Variants in RICTOR observed in about 807,000 individuals in gnomAD.
RICTOR encodes RPTOR independent companion of MTOR complex 2.
RICTOR carries 49 observed loss-of-function variants against 214.9 expected under a neutral mutation model. That is an observed-to-expected ratio of 0.23 (90% confidence interval 0.18 to 0.29). The LOEUF (loss-of-function observed/expected upper bound fraction) is 0.29, where lower values mean the gene tolerates loss of function less well. Ranked by LOEUF, RICTOR falls within the 10% of genes least tolerant of loss-of-function variation. The pLI is 1.00. For missense variants in RICTOR, 1,625 were observed against 2,047.0 expected (o/e 0.79, Z 3.98); for synonymous variants, 717 against 711.3 (o/e 1.01, Z -0.13).
intron 21 of RICTOR, 79 bp from the exon 22 acceptor site, chr5:38,959,400 C>A: frequency 1.2e-6 from 1 of 819,298 alleles, no homozygotes. Context: ...TTTTTTCCAG[C>A]TTTACTGAAG....
At chr5:38,984,943 C>G (rs2150067451) in intron 7 of RICTOR, among the ~76,000 whole-genome samples, 1 of 152,158 alleles carries the variant, frequency 6.6e-6, no homozygotes. Flanking sequence ...CCTCAGCCTC[C>G]CAAGTAGCTG....
Position 39,002,609 on chromosome 5 carries a change from CG to C in RICTOR, c.317del (p.Ala106GlyfsTer16). 1 of 1,610,342 alleles carries C rather than the reference CG, an allele frequency of 6.2e-7. No individual in the cohort carries two copies. Among genetic ancestry groups the C allele is most frequent in the Non-Finnish European group, 8.5e-7 (1 of 1,177,778 alleles). ...TGGAGTCTTGGATGAGATATCGAAG[CG>C]CTCGTAGCCCTGCTGCTCGCACTTC... ...AKEVRAAGLR[A>X]LRYLIQDSSI... On this transcript the variant is annotated frameshift_variant, in exon 5 of 38. Coordinates refer to ENST00000357387, the MANE Select transcript of RICTOR (RefSeq NM_152756.5). LOFTEE classifies it high-confidence loss of function.
chr5:39,003,540 G>A lies in RICTOR; in HGVS notation c.260+18C>T. On this transcript the variant is annotated intron_variant, in intron 4 of 37. Coordinates refer to ENST00000357387, the MANE Select transcript of RICTOR (RefSeq NM_152756.5). ...TAAAATCTGAAAGGGATGGGAGGGG[G>A]GAATGAACCACACTTACCAAATTAT... 4.6e-6 allele frequency: 7 copies of A among 1,535,176 alleles called. No individual in the cohort carries two copies. Among genetic ancestry groups the A allele is most frequent in the Non-Finnish European group, 5.4e-6 (6 of 1,112,602 alleles).
At chr5:39,049,463 C>A (rs1007314776) in intron 2 of RICTOR, among the ~76,000 whole-genome samples, 2 of 152,044 alleles carry the variant, frequency 1.3e-5, no homozygotes, top group Non-Finnish European at 2.9e-5. Context: ...GTTAACTCCA[C>A]AACTATGGCA....
chr5:39,002,145 T>C (rs976837563), intron 5 of RICTOR, among the ~76,000 whole-genome samples: 1 of 139,564 alleles, frequency 7.2e-6, no homozygotes, highest in Non-Finnish European at 1.5e-5. Flanking sequence ...TTGTGGTCTA[T>C]TTATAAAATG....
At chr5:39,059,952 C>T (rs1171305885) in intron 2 of RICTOR, among the ~76,000 whole-genome samples, 1 of 152,120 alleles carries the variant, frequency 6.6e-6, no homozygotes, top group African/African-American at 2.4e-5. Flanking sequence ...GAGCCCTTAA[C>T]TTCTCAAAGG....
chr5:38,945,991 G>C (rs987491254), intron 33 of RICTOR, among the ~76,000 whole-genome samples: 7 of 152,058 alleles, frequency 4.6e-5, no homozygotes, highest in African/African-American at 1.7e-4. Context: ...TTTGCCTAAA[G>C]ATATGTAATA....
At chr5:38,991,891 A>G (rs1752802165) in intron 6 of RICTOR, among the ~76,000 whole-genome samples, 1 of 152,150 alleles carries the variant, frequency 6.6e-6, no homozygotes, top group East Asian at 1.9e-4. Flanking sequence ...TGGAGTGGAA[A>G]TAAAATATTT....
At chr5:38,967,496 C>A in intron 12 of RICTOR, 69 bp from the exon 13 acceptor site, 2 of 1,145,384 alleles carry the variant, frequency 1.7e-6, no homozygotes, top group Non-Finnish European at 2.6e-6. Context: ...AGTATAAAAC[C>A]ATCAGCTAGC....
At chr5:38,945,463 T>C (rs572562888) in intron 34 of RICTOR, 28 bp downstream of exon 34, 1 of 1,468,930 alleles carries the variant, frequency 6.8e-7, no homozygotes, top group African/African-American at 1.4e-5. Context: ...TCACTAGGTT[T>C]TTCTGAAGGT....
chr5:39,000,197 C>T (rs1202415098), intron 5 of RICTOR, among the ~76,000 whole-genome samples: 2 of 151,446 alleles, frequency 1.3e-5, no homozygotes, highest in Non-Finnish European at 3.0e-5. Flanking sequence ...AAAAGAAAAC[C>T]CAGCCAGAGA....
At chr5:38,990,360 G>A (rs950172851) in intron 7 of RICTOR, among the ~76,000 whole-genome samples, 3 of 151,638 alleles carry the variant, frequency 2.0e-5, no homozygotes, top group Non-Finnish European at 2.9e-5. Flanking sequence ...GGGAGGGACA[G>A]CATTAGGAGA....
chr5:38,960,605 T>C, intron 19 of RICTOR, 72 bp from the exon 20 acceptor site: 2 of 1,463,848 alleles, frequency 1.4e-6, no homozygotes, highest in Non-Finnish European at 1.9e-6. Flanking sequence ...CCATTACTTA[T>C]GACATAATAA....
At position 38,939,335 on chromosome 5, in the gene RICTOR, T is replaced by TA. The variant is rs998671968; in HGVS notation, c.*2968dup. 4.3e-6 allele frequency: 1 copy of TA among 232,344 alleles called. No homozygotes were observed. The highest frequency in any genetic ancestry group is 8.5e-6 in the Non-Finnish European group (1 of 117,590). The allele number at this position is 232,344 out of a possible 1,614,324, so 14.4% of individuals were successfully genotyped here. On this transcript the variant is annotated 3_prime_UTR_variant, in exon 38 of 38. Coordinates refer to ENST00000357387, the MANE Select transcript of RICTOR (RefSeq NM_152756.5). ...AAAGTTGTCATTTCAAAAGGACTTG[T>TA]ACACATTATGTTAATAATGTATATA...
chr5:38,955,742 C>T, intron 25 of RICTOR, 38 bp from the exon 26 acceptor site: 2 of 1,073,762 alleles, frequency 1.9e-6, no homozygotes, highest in Non-Finnish European at 2.9e-6. Context: ...CATAGTATCA[C>T]AATGAGTCAC....
intron 2 of RICTOR, among the ~76,000 whole-genome samples, chr5:39,067,926 T>A (rs2150217443): frequency 6.6e-6 from 1 of 152,330 alleles, no homozygotes; most frequent in Admixed American, 6.5e-5. Context: ...GATTATCTGA[T>A]GGATGCTGGG....
chr5:38,991,082 C>A lies in RICTOR; in HGVS notation c.457-7G>T. ...AAGCATTCACAGTAATCATCTGTAA[C>A]AGAAGGAATCAGAAAAAGAAGTTAC... On this transcript the variant is annotated splice_region_variant and splice_polypyrimidine_tract_variant and intron_variant, in intron 6 of 37. Coordinates refer to ENST00000357387, the MANE Select transcript of RICTOR (RefSeq NM_152756.5). 6.4e-7 allele frequency: 1 copy of A among 1,574,474 alleles called. No individual in the cohort carries two copies. Among genetic ancestry groups the A allele is most frequent in the South Asian group, 1.2e-5 (1 of 86,216 alleles).
At chr5:39,004,204 G>A (rs1753849960) in intron 3 of RICTOR, among the ~76,000 whole-genome samples, 1 of 152,004 alleles carries the variant, frequency 6.6e-6, no homozygotes, top group Admixed American at 6.6e-5. Flanking sequence ...GAACTCTGTT[G>A]TTGCTGTTGA....
In RICTOR at chr5:38,998,469, G is replaced by A. The variant is rs989372464; in HGVS notation, c.393-1587C>T. Among the ~76,000 whole-genome samples, 6 of 152,262 alleles carry A rather than the reference G, an allele frequency of 3.9e-5. No homozygotes were observed. In the South Asian group the frequency reaches 6.2e-4, roughly 16 times the overall value. On this transcript the variant is annotated intron_variant, in intron 5 of 37. Transcript: ENST00000357387. ...CCCAAAATGCTGGGATTACAGGCAT[G>A]AGCCACCAAGCCCAGCCCCAACAAT...
Sources: gnomAD v4.1 joint callset for allele counts (sites outside exome capture counted in the v4.1 genomes callset) on GRCh38, gnomAD v4.1.1 for gene constraint, MANE v1.5 for transcripts, NCBI Gene and HGNC (gene_info 2026-07-23, HGNC 2026-07-21) for gene names.